Variants in ARHGAP8 observed in about 807,000 individuals in gnomAD.
ARHGAP8 encodes the protein rho GTPase-activating protein 8.
Under a neutral mutation model 46.1 loss-of-function variants are expected in ARHGAP8, and 62 were observed. That is an observed-to-expected ratio of 1.34 (90% CI 1.10 to 1.66). The LOEUF (loss-of-function observed/expected upper bound fraction) is 1.66. ARHGAP8 is among the 40% of genes most tolerant of loss of function. The probability of loss-of-function intolerance (pLI) is 0.00; values close to 1 mark genes in which losing one functional copy is unlikely to be tolerated. For missense variants in ARHGAP8, 923 were observed against 568.4 expected, an observed-to-expected ratio of 1.62 and a Z score of -6.34; for synonymous variants, 375 against 243.1, an observed-to-expected ratio of 1.54 and a Z score of -5.05.
chr22:44,787,029 C>A (rs1237627880), intron 2 of ARHGAP8, among the ~76,000 whole-genome samples: 206 of 94,706 alleles, frequency 2.2e-3, no homozygotes, highest in South Asian at 4.6e-3. Flanking sequence ...GACCCTGTCT[C>A]AAAAAAACAA....
In ARHGAP8 at chr22:44,822,469, G is replaced by T. The variant is rs1383604244; in HGVS notation, c.485G>T (p.Arg162Leu). 8 of 1,549,994 alleles carry T rather than the reference G, an allele frequency of 5.2e-6. No homozygotes were observed. Among genetic ancestry groups the T allele is most frequent in the Admixed American group, 2.2e-5 (1 of 44,858 alleles). The change falls in exon 6 of 12, where the codon CGG (arginine) becomes CTG (leucine). Residue 162 changes from arginine to leucine, a missense_variant and splice_region_variant. Physicochemically the swap from Arg to Leu is moderately radical, Grantham distance 102 (BLOSUM62 -2). Coordinates refer to ENST00000356099, the MANE Select transcript of ARHGAP8 (RefSeq NM_181335.3). ...DQLVIPPEVL[R>L]YDEKLQSLHE... The stretch of plus-strand genomic sequence containing the variant: ...CTGGTCATCCCTCCCGAAGTTTTGC[G>T]GTAAGTGCCTGTTAGACCCCAGAAG...
At chr22:44,839,114 G>T (rs533848388) in intron 7 of ARHGAP8, among the ~76,000 whole-genome samples, 59 of 152,190 alleles carry the variant, frequency 3.9e-4, no homozygotes, top group South Asian at 1.9e-3. Flanking sequence ...GGCACATCCT[G>T]GGAGAAAAGG....
chr22:44,799,518 G>T (rs947283929), intron 2 of ARHGAP8, among the ~76,000 whole-genome samples: 2 of 152,036 alleles, frequency 1.3e-5, no homozygotes, highest in Admixed American at 6.5e-5. Context: ...CTGAAGGAAG[G>T]CTGCTGGGCC....
chr22:44,802,019 G>T lies in ARHGAP8; in HGVS notation c.80-58G>T, dbSNP rs57415948. The T allele has an allele frequency of 9.9e-4, 1,586 of 1,604,150 alleles. 17 individuals are homozygous for T. The African/African-American group carries it at 0.02, about 20-fold the overall frequency. ...CCAAGGAGGCTGCTTTTTGCTAAGT[G>T]CCTGAGGATTTTCTAGGAGAAGGTG... On this transcript the variant is annotated intron_variant, in intron 2 of 11. Coordinates refer to ENST00000356099, the MANE Select transcript of ARHGAP8 (RefSeq NM_181335.3).
chr22:44,790,210 G>C (rs937023724), intron 2 of ARHGAP8, among the ~76,000 whole-genome samples: 4 of 152,128 alleles, frequency 2.6e-5, no homozygotes, highest in African/African-American at 9.7e-5. Flanking sequence ...AGCAAGAATA[G>C]AGGTTTGAGT....
At chr22:44,801,667 C>T (rs1928561866) in intron 2 of ARHGAP8, among the ~76,000 whole-genome samples, 1 of 152,218 alleles carries the variant, frequency 6.6e-6, no homozygotes, top group African/African-American at 2.4e-5. Context: ...CATTGTCCCC[C>T]AGGCCACCCT....
intron 1 of ARHGAP8, among the ~76,000 whole-genome samples, chr22:44,782,258 A>G (rs1360600107): frequency 6.6e-6 from 1 of 152,124 alleles, no homozygotes; most frequent in Non-Finnish European, 1.5e-5. Flanking sequence ...AATCGCTTGA[A>G]CCGGAGAGGA....
intron 10 of ARHGAP8, among the ~76,000 whole-genome samples, chr22:44,857,282 CT>C (rs1309280163): frequency 2.5e-4 from 38 of 152,140 alleles, no homozygotes; most frequent in Non-Finnish European, 2.9e-5. Context: ...ACCAGGGGTC[CT>C]GGCTCTCTGT....
At chr22:44,791,221 TC>T (rs1448450598) in intron 2 of ARHGAP8, among the ~76,000 whole-genome samples, 1 of 152,044 alleles carries the variant, frequency 6.6e-6, no homozygotes, top group Non-Finnish European at 1.5e-5. Context: ...CTGTGGTCCT[TC>T]CGTGTCATTA....
chr22:44,801,033 C>T (rs1327542718), intron 2 of ARHGAP8, among the ~76,000 whole-genome samples: 2 of 55,806 alleles, frequency 3.6e-5, no homozygotes, highest in Non-Finnish European at 6.8e-5. Context: ...CGCCTCTCCC[C>T]GCAGCTGTGT....
At chr22:44,763,483 C>T (rs1197113476) in intron 1 of ARHGAP8, among the ~76,000 whole-genome samples, 3 of 114,894 alleles carry the variant, frequency 2.6e-5, no homozygotes. Context: ...CAAAGCGAGA[C>T]TCTGTCTCAA....
intron 2 of ARHGAP8, among the ~76,000 whole-genome samples, chr22:44,798,855 T>C (rs903395834): frequency 2.8e-4 from 43 of 152,014 alleles, no homozygotes; most frequent in Non-Finnish European, 5.0e-4. Context: ...AACCTCCGCT[T>C]CCCGGGTTCA....
chr22:44,843,217 A>G (rs1931765511), intron 7 of ARHGAP8, among the ~76,000 whole-genome samples: 1 of 152,224 alleles, frequency 6.6e-6, no homozygotes, highest in South Asian at 2.1e-4. Context: ...GCAAGCGGTA[A>G]AGCTGTGTAT....
intron 1 of ARHGAP8, among the ~76,000 whole-genome samples, chr22:44,757,486 A>G (rs1364563930): frequency 6.6e-6 from 1 of 152,102 alleles, no homozygotes; most frequent in African/African-American, 2.4e-5. Context: ...CATGTTGGCC[A>G]TGCTGGTCTC....
At chr22:44,861,897 C>T (rs201963081) in intron 11 of ARHGAP8, among the ~76,000 whole-genome samples, 1 of 152,166 alleles carries the variant, frequency 6.6e-6, no homozygotes, top group Non-Finnish European at 1.5e-5. Context: ...TGGTCCCCAT[C>T]ATGCCCAGTT....
chr22:44,757,786 C>G lies in ARHGAP8; in HGVS notation c.-72+5159C>G, dbSNP rs186220086. The stretch of plus-strand genomic sequence containing the variant: ...CCGGAGTAGCTGGGATTACAGGCAC[C>G]TGTCACCATGCCTGGCTAATTTTTT... On this transcript the variant is annotated intron_variant, in intron 1 of 11. Coordinates refer to ENST00000356099, the MANE Select transcript of ARHGAP8 (RefSeq NM_181335.3). 8.6e-3 allele frequency among the ~76,000 whole-genome samples: 1,277 copies of G among 149,318 alleles called. 8 individuals carry two copies. Among genetic ancestry groups the G allele is most frequent in the South Asian group, 0.017 (78 of 4,688 alleles).
chr22:44,755,516 G>A (rs934966234), intron 1 of ARHGAP8, among the ~76,000 whole-genome samples: 1 of 152,240 alleles, frequency 6.6e-6, no homozygotes, highest in African/African-American at 2.4e-5. Flanking sequence ...GCCTCCCTGG[G>A]GTGCATTTGA....
chr22:44,862,115 G>C (rs2070518888), intron 11 of ARHGAP8, among the ~76,000 whole-genome samples, 160 bp from the exon 12 acceptor site: 1 of 152,218 alleles, frequency 6.6e-6, no homozygotes, highest in African/African-American at 2.4e-5. Flanking sequence ...AAGGCCCTGA[G>C]TGGGCAGGTG....
intron 4 of ARHGAP8, chr22:44,809,488 G>T: frequency 3.2e-6 from 1 of 308,292 alleles, no homozygotes; most frequent in Non-Finnish European, 6.4e-6. Flanking sequence ...GGGGCATTCT[G>T]ATGCCTCTTG....
Sources: allele counts gnomAD v4.1 joint callset (sites outside exome capture counted in the v4.1 genomes callset), GRCh38; gene constraint gnomAD v4.1.1; transcripts MANE v1.5; gene names NCBI Gene and HGNC (gene_info 2026-07-23, HGNC 2026-07-21).